SIMC1: variants seen among roughly 807,000 people sequenced by gnomAD.
SIMC1 encodes the protein SUMO interacting motifs containing 1.
In SIMC1, 55 loss-of-function variants were observed where a neutral mutation model predicts 82.3. That is an observed-to-expected ratio of 0.67 (90% CI 0.54 to 0.84). The LOEUF (loss-of-function observed/expected upper bound fraction) is 0.84. Among genes scored for constraint, SIMC1 ranks in the 40% least tolerant of loss-of-function variants. The pLI, the probability that SIMC1 is intolerant of heterozygous loss-of-function variation, is 0.00. For synonymous variants in SIMC1, 353 were observed against 426.3 expected (o/e 0.83, Z 2.12); for missense variants, 915 against 1,107.2 (o/e 0.83, Z 2.46).
In SIMC1 at chr5:176,289,682, G is replaced by A. The variant is rs1561696964; in HGVS notation, c.158G>A (p.Arg53Lys). The A allele has an allele frequency of 6.2e-7, 1 of 1,610,330 alleles. No individual in the cohort carries two copies. Among genetic ancestry groups the A allele is most frequent in the African/African-American group, 1.3e-5 (1 of 74,842 alleles). The change falls in exon 2 of 10, where the codon AGA becomes AAA. Residue 53 changes from arginine (R) to lysine (K), a missense_variant. Physicochemically the swap from Arg to Lys is conservative, Grantham distance 26 (BLOSUM62 2). Transcript: ENST00000429602. ...VDFIDLTRET[R>K]PRTKDRSGLY... ...TTCATTGACTTAACTAGAGAGACCA[G>A]ACCAAGGACAAAAGATCGCAGTGGA... is the stretch of plus-strand genomic sequence containing the variant.
At chr5:176,308,559 G>T (rs995239131) in intron 4 of SIMC1, 55 of 1,595,880 alleles carry the variant, frequency 3.4e-5, no homozygotes, top group Admixed American at 1.4e-4. Context: ...CACAAGGGCT[G>T]GCCGGGTACT....
chr5:176,260,268 T>C (rs1257607778), intron 1 of SIMC1, among the ~76,000 whole-genome samples: 1 of 152,076 alleles, frequency 6.6e-6, no homozygotes, highest in African/African-American at 2.4e-5. Context: ...AGCTAAACTA[T>C]GAGGATGCAA....
chr5:176,338,454 G>T (rs1219123113), intron 9 of SIMC1, among the ~76,000 whole-genome samples: 1 of 152,104 alleles, frequency 6.6e-6, no homozygotes, highest in Admixed American at 6.5e-5. Flanking sequence ...GAACAAACTA[G>T]CAGGGCAAGG....
chr5:176,329,244 G>T (rs572329677), intron 7 of SIMC1, among the ~76,000 whole-genome samples: 1 of 152,312 alleles, frequency 6.6e-6, no homozygotes, highest in Admixed American at 6.5e-5. Context: ...GGCCGAGACT[G>T]GCGGATCACG....
intron 1 of SIMC1, among the ~76,000 whole-genome samples, chr5:176,254,073 A>G (rs1176392055): frequency 6.6e-6 from 1 of 152,190 alleles, no homozygotes; most frequent in Non-Finnish European, 1.5e-5. Context: ...TATCTAACTA[A>G]TAGATAATAT....
intron 7 of SIMC1, among the ~76,000 whole-genome samples, chr5:176,334,612 C>T (rs1226950360): frequency 1.3e-5 from 2 of 152,166 alleles, no homozygotes; most frequent in Non-Finnish European, 2.9e-5. Context: ...ATTTCCTGAG[C>T]ACCCTATTCT....
chr5:176,281,022 G>C (rs1762981494), intron 1 of SIMC1, among the ~76,000 whole-genome samples: 2 of 152,240 alleles, frequency 1.3e-5, no homozygotes, highest in African/African-American at 4.8e-5. Context: ...ATCCTGCAGA[G>C]TGTTTTCCAA....
intron 1 of SIMC1, among the ~76,000 whole-genome samples, chr5:176,276,346 G>A (rs972694375): frequency 3.3e-5 from 5 of 151,114 alleles, no homozygotes; most frequent in South Asian, 4.2e-4. Context: ...TATTGCGACT[G>A]TTTGATTCTT....
At chr5:176,306,021 G>A (rs1297534794) in intron 4 of SIMC1, among the ~76,000 whole-genome samples, 37 of 64,322 alleles carry the variant, frequency 5.8e-4, no homozygotes, top group African/African-American at 1.9e-3. Flanking sequence ...CGCCCCGTCC[G>A]GGAGGGAGGT....
chr5:176,319,473 C>T (rs978959347), intron 5 of SIMC1, among the ~76,000 whole-genome samples: 6 of 152,006 alleles, frequency 3.9e-5, no homozygotes, highest in African/African-American at 1.2e-4. Flanking sequence ...GTTCAGTGAG[C>T]TGTGATGGCA....
chr5:176,292,090 T>C (rs905037883), intron 2 of SIMC1, among the ~76,000 whole-genome samples: 1 of 152,168 alleles, frequency 6.6e-6, no homozygotes, highest in Non-Finnish European at 1.5e-5. Flanking sequence ...TCAACTCCTA[T>C]GCTTTTCCCT....
rs759378395 is a variant in SIMC1, at chr5:176,296,220, A to G, written c.1665-31A>G. Reference sequence around the variant, plus strand: ...TATCCCTTCTTCCGCTAAATTCTCCATAATTCTAATTGATTTCACTTGACT... The same window carrying G: ...TATCCCTTCTTCCGCTAAATTCTCCGTAATTCTAATTGATTTCACTTGACT... On this transcript the variant is annotated intron_variant, in intron 3 of 9. Coordinates refer to ENST00000429602, the MANE Select transcript of SIMC1 (RefSeq NM_001308195.2). 5 of 1,600,416 alleles carry G rather than the reference A, an allele frequency of 3.1e-6. No homozygotes were observed. In the Admixed American group the frequency reaches 5.2e-5, roughly 17 times the overall value.
chr5:176,314,574 A>G (rs1054890850), intron 5 of SIMC1, among the ~76,000 whole-genome samples: 6 of 152,376 alleles, frequency 3.9e-5, no homozygotes, highest in African/African-American at 1.4e-4. Context: ...ACAATAGGTC[A>G]TGTAGCTGAC....
intron 2 of SIMC1, among the ~76,000 whole-genome samples, chr5:176,291,472 G>A (rs140460439): frequency 0.12 from 17,735 of 151,852 alleles, 1,094 homozygotes; most frequent in Admixed American, 0.15. Context: ...GAGTAGCTGG[G>A]ACTATAGGCG....
chr5:176,319,584 C>T (rs1378017911), intron 5 of SIMC1, among the ~76,000 whole-genome samples: 1 of 152,056 alleles, frequency 6.6e-6, no homozygotes, highest in African/African-American at 2.4e-5. Flanking sequence ...CTAGCACTTT[C>T]AGGGGCCAAA....
At chr5:176,306,986 G>A (rs1764451187) in intron 4 of SIMC1, among the ~76,000 whole-genome samples, 1 of 151,874 alleles carries the variant, frequency 6.6e-6, no homozygotes, top group South Asian at 2.1e-4. Context: ...ATTTAAAAAT[G>A]GGCAGAGGAC....
intron 4 of SIMC1, 35 bp from the exon 5 acceptor site, chr5:176,313,653 TGAG>T: frequency 1.9e-6 from 3 of 1,609,926 alleles, no homozygotes; most frequent in Non-Finnish European, 2.5e-6. Flanking sequence ...TCCAAGAGAC[TGAG>T]AAGAAAGACT....
chr5:176,270,708 C>G (rs1762387237), intron 1 of SIMC1, among the ~76,000 whole-genome samples: 1 of 152,302 alleles, frequency 6.6e-6, no homozygotes, highest in East Asian at 1.9e-4. Flanking sequence ...CATTGGAACT[C>G]ACTGCAGCCC....
At chr5:176,327,720 T>C (rs2113383586) in intron 7 of SIMC1, among the ~76,000 whole-genome samples, 1 of 152,350 alleles carries the variant, frequency 6.6e-6, no homozygotes, top group Admixed American at 6.5e-5. Context: ...ATGTTAGCTA[T>C]AAATGTTTCA....
Sources: allele counts gnomAD v4.1 joint callset (sites outside exome capture counted in the v4.1 genomes callset), GRCh38; gene constraint gnomAD v4.1.1; transcripts MANE v1.5; gene names NCBI Gene and HGNC (gene_info 2026-07-23, HGNC 2026-07-21).